Variants in SEPTIN1 observed in about 807,000 individuals in gnomAD.
The protein encoded by SEPTIN1 is septin 1, also known as septin-1.
Under a neutral mutation model 50.7 loss-of-function variants are expected in SEPTIN1, and 52 were observed. That is an observed-to-expected ratio of 1.03 (90% CI 0.82 to 1.29). SEPTIN1 has a LOEUF of 1.29. SEPTIN1 is among the 50% of genes most tolerant of loss of function. The pLI is 0.00. For missense variants in SEPTIN1, 455 were observed against 490.7 expected (o/e 0.93, Z 0.69); for synonymous variants, 204 against 189.1 (o/e 1.08, Z -0.65).
chr16:30,380,822 G>T, intron 6 of SEPTIN1: 1 of 419,954 alleles, frequency 2.4e-6, no homozygotes, highest in Non-Finnish European at 4.4e-6. Flanking sequence ...CAGAAACAGT[G>T]GGAAAGGGCT....
chr16:30,380,853 C>T, intron 6 of SEPTIN1: 1 of 494,616 alleles, frequency 2.0e-6, no homozygotes, highest in Non-Finnish European at 3.7e-6. Context: ...GGGGTGGGGG[C>T]CAGAGGGAAG....
rs746174841 is a variant in SEPTIN1 at position 30,382,113 on chromosome 16, C to A, written c.176G>T (p.Arg59Leu). The A allele has an allele frequency of 5.7e-6, 9 of 1,582,626 alleles. No homozygotes were observed. Among genetic ancestry groups the A allele is most frequent in the Non-Finnish European group, 7.7e-6 (9 of 1,163,964 alleles). Residue 59 changes from arginine (R) to leucine (L), a missense_variant, in exon 3 of 11, where the codon CGC (arginine) becomes CTC (leucine). Arg to Leu is a moderately radical substitution (Grantham distance 102). Transcript: ENST00000321367. This position sits in a 1 kb window ranked among gnomAD's most constrained non-coding sequence, Gnocchi z 4.8. ...SLFLTNLYED[R>L]QVPEASARLT... ...CTTACCACTGGCCTCTGGCACCTGG[C>A]GATCCTCATAGAGGTTGGTGAGGAA...
At position 30,379,179 on chromosome 16, in the gene SEPTIN1, C is replaced by G; in HGVS notation, c.780G>C (p.Glu260Asp). 1 of 1,614,078 alleles carries G rather than the reference C, an allele frequency of 6.2e-7. No homozygotes were observed. Among genetic ancestry groups the G allele is most frequent in the Non-Finnish European group, 8.5e-7 (1 of 1,179,962 alleles). The change falls in exon 9 of 11, where the codon GAG (glutamate) becomes GAC (aspartate). Residue 260 changes from glutamate (E) to aspartate (D), a missense_variant. Coordinates refer to ENST00000321367, the MANE Select transcript of SEPTIN1 (RefSeq NM_001365977.2). ...TCAGGAAATCGCAGTGATGTGGGTT[C>G]TCCACTGGAGGGGGGGCGGCGCGGA... is the stretch of plus-strand genomic sequence containing the variant. The part of the protein sequence containing the change: ...RRYSWGTVEV[E>D]NPHHCDFLNL...
rs1403311830 is a variant in SEPTIN1, at chr16:30,379,476, C to A, written c.734G>T (p.Arg245Leu). 1 of 1,613,868 alleles carries A rather than the reference C, an allele frequency of 6.2e-7. No individual in the cohort carries two copies. Among genetic ancestry groups the A allele is most frequent in the South Asian group, 1.1e-5 (1 of 91,076 alleles). ...GGAGTAGCGGCGTCCCCTCACCGGC[C>A]GGTTCCCGCCATCCCTCACCACCTC... ...SCEVVRDGGN[R>L]PVRGRRYSWG... The change falls in exon 8 of 11, where the codon CGG (arginine) becomes CTG (leucine). Residue 245 changes from arginine to leucine, a missense_variant. Arg to Leu is a moderately radical substitution (Grantham distance 102). Transcript: ENST00000321367.
At chr16:30,378,987 A>T in intron 9 of SEPTIN1, 31 bp downstream of exon 9, 2 of 1,597,858 alleles carry the variant, frequency 1.3e-6, no homozygotes, top group Middle Eastern at 1.7e-4. Context: ...GGGACCTTGG[A>T]GGCTCTGATA....
Position 30,381,044 on chromosome 16 carries a change from G to T in SEPTIN1, c.573+83C>A. The T allele has an allele frequency of 9.0e-7, 1 of 1,113,436 alleles. No homozygotes were observed. Among genetic ancestry groups the T allele is most frequent in the Non-Finnish European group, 1.4e-6 (1 of 726,068 alleles). 69.0% of individuals were successfully genotyped at this position (1,113,436 alleles called of 1,614,324 possible). On this transcript the variant is annotated intron_variant, in intron 6 of 10. Coordinates refer to ENST00000321367, the MANE Select transcript of SEPTIN1 (RefSeq NM_001365977.2). This position sits in a 1 kb window ranked among gnomAD's most constrained non-coding sequence, Gnocchi z 4.3. The stretch of plus-strand genomic sequence containing the variant: ...AGCCTGATGCACCATGCTCCAGAAA[G>T]GCCACTTCAAGATCAAAGAAGTCTA...
At chr16:30,380,214 G>A in intron 6 of SEPTIN1, 181 bp from the exon 7 acceptor site, 1 of 416,558 alleles carries the variant, frequency 2.4e-6, no homozygotes, top group Non-Finnish European at 4.3e-6. Context: ...AGACATAGAT[G>A]GTGAGAAACA....
In SEPTIN1 at chr16:30,381,369, C is replaced by G; in HGVS notation, c.425G>C (p.Cys142Ser). Residue 142 changes from cysteine to serine, a missense_variant, in exon 5 of 11, where the codon TGC becomes TCC. Physicochemically the swap from Cys to Ser is moderately radical, Grantham distance 112. Coordinates refer to ENST00000321367, the MANE Select transcript of SEPTIN1 (RefSeq NM_001365977.2). The surrounding 1 kb of genome is among the most constrained non-coding windows in gnomAD (Gnocchi z 4.3). ...KNIQDSRVHC[C>S]LYFISPFGRG... ...GCCGAAGGGTGAGATGAAGTAGAGG[C>G]AGCAGTGGACTCGGGAGTCCTGGAT... 1 of 1,613,242 alleles carries G rather than the reference C, an allele frequency of 6.2e-7. No homozygotes were observed. Among genetic ancestry groups the G allele is most frequent in the African/African-American group, 1.3e-5 (1 of 74,728 alleles).
chr16:30,380,052 A>G lies in SEPTIN1; in HGVS notation c.574-19T>C, dbSNP rs538144519. The G allele has an allele frequency of 1.3e-6, 2 of 1,598,810 alleles. No homozygotes were observed. Among genetic ancestry groups the G allele is most frequent in the East Asian group, 4.5e-5 (2 of 44,330 alleles). On this transcript the variant is annotated intron_variant, in intron 6 of 10. Transcript: ENST00000321367. ...CCCGGATCTCAGGGGAAACAGATAT[A>G]GAGACAGTGTGAAACGGGCCACAAT...
chr16:30,381,945 G>A lies in SEPTIN1; in HGVS notation c.197-62C>T, dbSNP rs972128480. On this transcript the variant is annotated intron_variant, in intron 3 of 10. Coordinates refer to ENST00000321367, the MANE Select transcript of SEPTIN1 (RefSeq NM_001365977.2). This position sits in a 1 kb window ranked among gnomAD's most constrained non-coding sequence, Gnocchi z 4.3. ...CTCTGAGGCAGAATTAATTTCCTTT[G>A]TCAATATCACAGTTGCCTGCACCCA... 6.8e-6 allele frequency: 11 copies of A among 1,609,274 alleles called. No homozygotes were observed. In the South Asian group the frequency reaches 9.9e-5, roughly 15 times the overall value.
At position 30,382,010 on chromosome 16, in the gene SEPTIN1, C is replaced by G; in HGVS notation, c.196+83G>C. On this transcript the variant is annotated intron_variant, in intron 3 of 10. Transcript: ENST00000321367. This position sits in a 1 kb window ranked among gnomAD's most constrained non-coding sequence, Gnocchi z 4.8. ...AAAGTCTCAGAAAAAAAGCAGTCAA[C>G]TACCTGAGTCCCCAGATGGAAAAGA... is the stretch of plus-strand genomic sequence containing the variant. 1 of 1,600,406 alleles carries G rather than the reference C, an allele frequency of 6.2e-7. No homozygotes were observed. The highest frequency in any genetic ancestry group is 8.5e-7 in the Non-Finnish European group (1 of 1,169,766).
chr16:30,382,667 A>G, upstream of SEPTIN1: 1 of 1,533,012 alleles, frequency 6.5e-7, no homozygotes. The surrounding 1 kb of genome is among the most constrained non-coding windows in gnomAD (Gnocchi z 4.8). Context: ...GAGGTGGGGA[A>G]GGCCAAGGCC....
At chr16:30,378,911 CTG>C in intron 9 of SEPTIN1, 105 bp downstream of exon 9, 2 of 1,101,828 alleles carry the variant, frequency 1.8e-6, no homozygotes, top group Non-Finnish European at 2.6e-6. Context: ...AGAGAGAAGT[CTG>C]AGTGGTGAAG....
Position 30,381,281 on chromosome 16 carries a change from G to T in SEPTIN1, c.456-37C>A. On this transcript the variant is annotated intron_variant, in intron 5 of 10. Transcript: ENST00000321367. The surrounding 1 kb of genome is among the most constrained non-coding windows in gnomAD (Gnocchi z 4.3). ...GATTGGTCATTGCCCAGCCTCAGGG[G>T]GCAGAGACCCCCCAGCCCTCCCTAA... 6.2e-7 allele frequency: 1 copy of T among 1,612,574 alleles called. No homozygotes were observed. The highest frequency in any genetic ancestry group is 1.3e-5 in the African/African-American group (1 of 74,930).
rs1291978554 is a variant in SEPTIN1 at position 30,381,078 on chromosome 16, T to A, written c.573+49A>T. ...AAGATCAAAGAAGTCTAAGCTGAAA[T>A]CAGGTTTGGCTTCACATGGGGTCAA... On this transcript the variant is annotated intron_variant, in intron 6 of 10. Transcript: ENST00000321367. The surrounding 1 kb of genome is among the most constrained non-coding windows in gnomAD (Gnocchi z 4.3). 1 of 1,405,572 alleles carries A rather than the reference T, an allele frequency of 7.1e-7. No individual in the cohort carries two copies. The highest frequency in any genetic ancestry group is 1.0e-6 in the Non-Finnish European group (1 of 989,566). 87.1% of individuals were successfully genotyped at this position (1,405,572 alleles called of 1,614,324 possible).
rs373881495 is a variant in SEPTIN1 at position 30,378,452 on chromosome 16, C to G, written c.1101G>C (p.Glu367Asp). ...AQMQQSQAQGEQSDAL is the reference protein window; with the variant it reads ...AQMQQSQAQGDQSDAL ...CGTGGCCTCAGAGGGCGTCTGACTG[C>G]TCGCCCTGGGCCTGGCTCTGCTGCA... The change falls in exon 11 of 11, where the codon GAG becomes GAC. Residue 367 changes from glutamate to aspartate, a missense_variant. Physicochemically the swap from Glu to Asp is conservative, Grantham distance 45. Coordinates refer to ENST00000321367, the MANE Select transcript of SEPTIN1 (RefSeq NM_001365977.2). 1.6e-5 allele frequency: 25 copies of G among 1,572,482 alleles called. No homozygotes were observed. The highest frequency in any genetic ancestry group is 2.1e-5 in the Non-Finnish European group (25 of 1,166,312).
Position 30,378,266 on chromosome 16 carries a change from C to T in SEPTIN1, c.*168G>A. ...GTGGGCGGTGTCTGGGTGGGCGGGACCAGCGCCGGGGCGGGGCTACGGACT... is the reference window on the plus strand; with the variant it reads ...GTGGGCGGTGTCTGGGTGGGCGGGATCAGCGCCGGGGCGGGGCTACGGACT... On this transcript the variant is annotated 3_prime_UTR_variant, in exon 11 of 11. Transcript: ENST00000321367. The T allele has an allele frequency of 1.4e-6, 1 of 696,458 alleles. No individual in the cohort carries two copies. Among genetic ancestry groups the T allele is most frequent in the Non-Finnish European group, 2.4e-6 (1 of 420,654 alleles). The allele number at this position is 696,458 out of a possible 1,614,324, so 43.1% of individuals were successfully genotyped here. A position where few individuals can be genotyped will look rare whatever the true frequency, so the allele number is the denominator to read the frequency against.
At chr16:30,380,792 G>C (rs2049834819) in intron 6 of SEPTIN1, 2 of 314,586 alleles carry the variant, frequency 6.4e-6, no homozygotes, top group African/African-American at 2.2e-5. Flanking sequence ...GAGAGAAAGA[G>C]AGGCCGAGAG....
rs745970100 is a variant in SEPTIN1 at position 30,381,280 on chromosome 16, G to A, written c.456-36C>T. ...GGATTGGTCATTGCCCAGCCTCAGG[G>A]GGCAGAGACCCCCCAGCCCTCCCTA... On this transcript the variant is annotated intron_variant, in intron 5 of 10. Transcript: ENST00000321367. The surrounding 1 kb of genome is among the most constrained non-coding windows in gnomAD (Gnocchi z 4.3). 8 of 1,612,996 alleles carry A rather than the reference G, an allele frequency of 5.0e-6. No individual in the cohort carries two copies. The highest frequency in any genetic ancestry group is 6.8e-6 in the Non-Finnish European group (8 of 1,179,072).
Sources: gnomAD v4.1 joint callset for allele counts on GRCh38, gnomAD v4.1.1 for gene constraint, Gnocchi (gnomAD v3.1) non-coding constraint, MANE v1.5 for transcripts, NCBI Gene and HGNC (gene_info 2026-07-23, HGNC 2026-07-21) for gene names.